The following KY variants were observed in gnomAD, a reference collection of about 807,000 sequenced individuals.
KY encodes the protein kyphoscoliosis peptidase.
In KY, 43 loss-of-function variants were observed where a neutral mutation model predicts 76.1. That is an observed-to-expected ratio of 0.57 (90% CI 0.44 to 0.73). The LOEUF is 0.73. KY is among the 30% of genes least tolerant of loss of function. The probability of loss-of-function intolerance (pLI) is 0.00; values close to 1 mark genes in which losing one functional copy is unlikely to be tolerated. For synonymous variants in KY, 277 were observed against 326.2 expected (o/e 0.85, Z 1.63); for missense variants, 722 against 828.9 (o/e 0.87, Z 1.58).
chr3:134,636,830 T>C (rs909811056), intron 3 of KY, among the ~76,000 whole-genome samples: 2 of 152,278 alleles, frequency 1.3e-5, no homozygotes, highest in Non-Finnish European at 2.9e-5. Context: ...GGTTGTGTTG[T>C]ATATTTCTTT....
intron 6 of KY, among the ~76,000 whole-genome samples, chr3:134,622,521 A>G (rs1022875158): frequency 1.4e-4 from 21 of 152,356 alleles, no homozygotes; most frequent in Middle Eastern, 6.8e-3. Flanking sequence ...AGGAAAGTTC[A>G]TAGACAGTAA....
intron 5 of KY, among the ~76,000 whole-genome samples, 183 bp from the exon 6 acceptor site, chr3:134,625,318 G>T (rs1236860927): frequency 1.3e-5 from 2 of 152,246 alleles, no homozygotes; most frequent in Non-Finnish European, 2.9e-5. Context: ...GATCAAGTTA[G>T]TTTGGGAACC....
At chr3:134,622,413 C>T (rs993615004) in intron 6 of KY, among the ~76,000 whole-genome samples, 2 of 152,148 alleles carry the variant, frequency 1.3e-5, no homozygotes, top group South Asian at 2.1e-4. Context: ...GTATATGCTA[C>T]GACATGGATG....
At chr3:134,611,719 G>A (rs1026953309) in intron 8 of KY, among the ~76,000 whole-genome samples, 2 of 152,226 alleles carry the variant, frequency 1.3e-5, no homozygotes, top group Non-Finnish European at 2.9e-5. Flanking sequence ...GCAGTCCAGG[G>A]TGTTGGTGGG....
chr3:134,618,231 G>T (rs947346676), intron 8 of KY, among the ~76,000 whole-genome samples: 1 of 152,150 alleles, frequency 6.6e-6, no homozygotes, highest in African/African-American at 2.4e-5. Context: ...GGAATAGGTT[G>T]CATGCACCCA....
At chr3:134,635,445 C>T (rs374259183) in intron 3 of KY, among the ~76,000 whole-genome samples, 6 of 132,132 alleles carry the variant, frequency 4.5e-5, no homozygotes, top group East Asian at 4.8e-4. Context: ...TGCAGTGAGC[C>T]GAGATCGTGC....
intron 8 of KY, among the ~76,000 whole-genome samples, chr3:134,616,505 T>A (rs954209200): frequency 6.6e-6 from 1 of 152,210 alleles, no homozygotes; most frequent in Non-Finnish European, 1.5e-5. Context: ...AGTAGAGGGA[T>A]GCATAGATAG....
At chr3:134,624,662 A>C (rs1963173549) in intron 6 of KY, among the ~76,000 whole-genome samples, 1 of 152,212 alleles carries the variant, frequency 6.6e-6, no homozygotes, top group Non-Finnish European at 1.5e-5. Context: ...GGTCCTGGCC[A>C]TCTGCATCCA....
intron 6 of KY, among the ~76,000 whole-genome samples, chr3:134,624,078 A>G (rs1577689582): frequency 6.6e-6 from 1 of 151,364 alleles, no homozygotes; most frequent in East Asian, 1.9e-4. Flanking sequence ...TCCCAAACAC[A>G]CTCATCCCCT....
At position 134,602,907 on chromosome 3, in the gene KY, T is replaced by C. The variant is rs551471187; in HGVS notation, c.*672A>G. On this transcript the variant is annotated 3_prime_UTR_variant, in exon 11 of 11. Transcript: ENST00000423778. ...CCTCACAACTTTCTGGTTGTCACATTCCTGACTATACTTAGGGATGTTGGA... is the reference window on the plus strand; with the variant it reads ...CCTCACAACTTTCTGGTTGTCACATCCCTGACTATACTTAGGGATGTTGGA... Among the ~76,000 whole-genome samples, 2 of 152,294 alleles carry C rather than the reference T, an allele frequency of 1.3e-5. No individual in the cohort carries two copies. The highest frequency in any genetic ancestry group is 3.9e-4 in the East Asian group (2 of 5,168).
intron 8 of KY, among the ~76,000 whole-genome samples, chr3:134,618,495 T>A (rs1490543039): frequency 6.6e-6 from 1 of 152,072 alleles, no homozygotes; most frequent in Non-Finnish European, 1.5e-5. Flanking sequence ...CCTCAGAGGG[T>A]AGGCTCAGGA....
intron 3 of KY, among the ~76,000 whole-genome samples, chr3:134,641,972 T>A (rs1273038669): frequency 6.6e-6 from 1 of 152,192 alleles, no homozygotes; most frequent in African/African-American, 2.4e-5. Flanking sequence ...GTTGAGTTCA[T>A]TTTAGAGAAG....
intron 8 of KY, 106 bp downstream of exon 8, chr3:134,619,041 TG>T: frequency 3.4e-6 from 3 of 885,704 alleles, no homozygotes; most frequent in Non-Finnish European, 5.6e-6. Context: ...GAGCAGAGTT[TG>T]TAAACTCAGG....
rs767971427 is a variant in KY, at chr3:134,608,852, C to A, written c.900-13G>T. The A allele has an allele frequency of 2.5e-6, 4 of 1,599,742 alleles. No individual in the cohort carries two copies. The highest frequency in any genetic ancestry group is 3.4e-6 in the Non-Finnish European group (4 of 1,170,882). On this transcript the variant is annotated splice_polypyrimidine_tract_variant and intron_variant, in intron 9 of 10. Coordinates refer to ENST00000423778, the MANE Select transcript of KY (RefSeq NM_178554.6). ...GAACTCATTGTAGCTGGAGCAGAGA[C>A]AAGCTGGTTAGCAGCCAGCTCCATG...
At chr3:134,614,526 A>G (rs769213518) in intron 8 of KY, among the ~76,000 whole-genome samples, 1 of 152,052 alleles carries the variant, frequency 6.6e-6, no homozygotes, top group Non-Finnish European at 1.5e-5. Context: ...CAAGGGCTGC[A>G]AAGGACCACA....
intron 6 of KY, among the ~76,000 whole-genome samples, chr3:134,623,826 C>G (rs1963036957): frequency 6.6e-6 from 1 of 152,166 alleles, no homozygotes; most frequent in Admixed American, 6.5e-5. Context: ...CCCCAGGGAG[C>G]CCCTCCCTGG....
At position 134,639,321 on chromosome 3, in the gene KY, C is replaced by T. The variant is rs1577783075; in HGVS notation, c.262+3995G>A. The stretch of plus-strand genomic sequence containing the variant: ...ACCACCCTTAGGGGGTACTGCCAAA[C>T]ACAGCATGAAAACCCCACTCAGCAG... On this transcript the variant is annotated intron_variant, in intron 3 of 10. Transcript: ENST00000423778. Among the ~76,000 whole-genome samples the T allele has an allele frequency of 2.6e-5, 4 of 152,262 alleles. No individual in the cohort carries two copies. In the East Asian group the frequency reaches 7.7e-4, roughly 29 times the overall value.
intron 3 of KY, among the ~76,000 whole-genome samples, chr3:134,640,725 C>T (rs540173168): frequency 2.2e-4 from 33 of 152,314 alleles, no homozygotes; most frequent in Non-Finnish European, 4.1e-4. Flanking sequence ...CTTTCCCAAC[C>T]TGCTCTTCCT....
rs371077910 is a variant in KY at position 134,650,857 on chromosome 3, G to T, written c.104C>A (p.Ala35Glu). ...AAQGTLSDQQ[A>E]NPSSLLQRGG... ...GCGCTGCAGCAGCGAGCTCGGGTTC[G>T]CCTGCTGGTCTGAGAGCGTACCCTG... is the stretch of plus-strand genomic sequence containing the variant. The change falls in exon 1 of 11, where the codon GCG (alanine) becomes GAG (glutamate). Residue 35 changes from alanine to glutamate, a missense_variant. By Grantham distance (107) the Ala-to-Glu change is moderately radical. This residue lies in a region of KY where 170 missense variants were observed against 148.1 expected (regional missense o/e 1.15). Coordinates refer to ENST00000423778, the MANE Select transcript of KY (RefSeq NM_178554.6). 1.9e-6 allele frequency: 3 copies of T among 1,608,444 alleles called. No individual in the cohort carries two copies. The highest frequency in any genetic ancestry group is 1.7e-6 in the Non-Finnish European group (2 of 1,177,108).
Sources: allele counts gnomAD v4.1 joint callset (sites outside exome capture counted in the v4.1 genomes callset), GRCh38; gene constraint gnomAD v4.1.1; regional missense constraint gnomAD v4.1.1; transcripts MANE v1.5; gene names NCBI Gene and HGNC (gene_info 2026-07-23, HGNC 2026-07-21).